TTC8: variants seen among roughly 807,000 people sequenced by gnomAD.
TTC8 encodes the protein tetratricopeptide repeat domain 8, also known as tetratricopeptide repeat protein 8.
In TTC8, 47 loss-of-function variants were observed where a neutral mutation model predicts 72.5. The ratio of observed to expected loss-of-function variants is 0.65; its 90% CI spans 0.51 to 0.83. The LOEUF (loss-of-function observed/expected upper bound fraction) is 0.83, where lower values mean the gene tolerates loss of function less well. Ranked by LOEUF, TTC8 falls within the 40% of genes least tolerant of loss-of-function variation. The pLI, the probability that TTC8 is intolerant of heterozygous loss-of-function variation, is 0.00. For synonymous variants in TTC8, 199 were observed against 221.4 expected (o/e 0.90, Z 0.90); for missense variants, 611 against 623.2 (o/e 0.98, Z 0.21).
At chr14:88,874,576 A>G (rs2094948949) in intron 13 of TTC8, among the ~76,000 whole-genome samples, 1 of 152,168 alleles carries the variant, frequency 6.6e-6, no homozygotes, top group Admixed American at 6.5e-5. Flanking sequence ...GGGCTTTGAA[A>G]TTTACAATGG....
At chr14:88,876,516 A>G (rs749087704) in intron 14 of TTC8, among the ~76,000 whole-genome samples, 3 of 152,186 alleles carry the variant, frequency 2.0e-5, no homozygotes, top group South Asian at 2.1e-4. Flanking sequence ...AATATTCCCA[A>G]CACAAAGAAA....
chr14:88,848,148 AAG>A (rs1566842407), intron 7 of TTC8, among the ~76,000 whole-genome samples: 1 of 147,128 alleles, frequency 6.8e-6, no homozygotes. Context: ...AAAAAAAAAA[AAG>A]CTGATCTTAA....
chr14:88,861,141 T>C, intron 9 of TTC8, 81 bp from the exon 10 acceptor site: 1 of 1,060,900 alleles, frequency 9.4e-7, no homozygotes, highest in Admixed American at 2.0e-5. Context: ...GATAATTTGT[T>C]ACTAATCAAT....
At chr14:88,876,370 C>A (rs888087458) in intron 14 of TTC8, among the ~76,000 whole-genome samples, 1 of 152,190 alleles carries the variant, frequency 6.6e-6, no homozygotes, top group Non-Finnish European at 1.5e-5. Flanking sequence ...TACCAGAAAT[C>A]TACCAGAATT....
At chr14:88,864,642 G>A (rs192823345) in intron 10 of TTC8, among the ~76,000 whole-genome samples, 7 of 152,334 alleles carry the variant, frequency 4.6e-5, no homozygotes, top group African/African-American at 1.7e-4. Flanking sequence ...GAAGAAAGAA[G>A]TGGAGAGGAA....
intron 1 of TTC8, among the ~76,000 whole-genome samples, chr14:88,828,835 T>C (rs1052103205): frequency 3.3e-5 from 5 of 152,200 alleles, no homozygotes; most frequent in Admixed American, 2.6e-4. Flanking sequence ...TATTTCGCCT[T>C]TAAGGGATAC....
At chr14:88,832,996 C>T (rs181552427) in intron 1 of TTC8, among the ~76,000 whole-genome samples, 1 of 152,280 alleles carries the variant, frequency 6.6e-6, no homozygotes, top group East Asian at 1.9e-4. Flanking sequence ...GCATGGTGAC[C>T]ATATGGTTTG....
At chr14:88,825,110 A>C (rs1371168770) in intron 1 of TTC8, among the ~76,000 whole-genome samples, 1 of 152,200 alleles carries the variant, frequency 6.6e-6, no homozygotes, top group Non-Finnish European at 1.5e-5. Context: ...ACTTTACTTG[A>C]CGAGGAACTT....
At chr14:88,840,786 T>C in intron 3 of TTC8, 79 bp from the exon 4 acceptor site, 1 of 1,436,792 alleles carries the variant, frequency 7.0e-7, no homozygotes, top group Admixed American at 1.8e-5. Context: ...GCCAGCGCAA[T>C]TCTGAAAATT....
At chr14:88,875,971 C>G (rs2094955777) in intron 14 of TTC8, among the ~76,000 whole-genome samples, 1 of 152,066 alleles carries the variant, frequency 6.6e-6, no homozygotes, top group South Asian at 2.1e-4. Flanking sequence ...TTGCTATATA[C>G]CAGGCCCTGT....
At chr14:88,867,914 A>C (rs2094918210) in intron 10 of TTC8, among the ~76,000 whole-genome samples, 1 of 152,344 alleles carries the variant, frequency 6.6e-6, no homozygotes, top group East Asian at 1.9e-4. Context: ...TATAAAGCAC[A>C]TGAAGAAATA....
At chr14:88,843,959 A>T in intron 7 of TTC8, 109 bp downstream of exon 7, 1 of 827,754 alleles carries the variant, frequency 1.2e-6, no homozygotes, top group Non-Finnish European at 1.9e-6. Context: ...AAATTATTAA[A>T]GATTGGAGAA....
intron 7 of TTC8, among the ~76,000 whole-genome samples, chr14:88,850,127 T>A (rs959463066): frequency 3.3e-5 from 5 of 152,220 alleles, no homozygotes; most frequent in Non-Finnish European, 4.4e-5. Context: ...TTATTTATTT[T>A]AAAAATTTGG....
At chr14:88,863,354 C>G (rs2094896746) in intron 10 of TTC8, among the ~76,000 whole-genome samples, 2 of 152,122 alleles carry the variant, frequency 1.3e-5, no homozygotes, top group Non-Finnish European at 2.9e-5. Context: ...CAGAGGAAAC[C>G]AGGTACAAGC....
intron 1 of TTC8, among the ~76,000 whole-genome samples, chr14:88,825,574 C>T (rs2094695636): frequency 6.6e-6 from 1 of 152,108 alleles, no homozygotes; most frequent in East Asian, 1.9e-4. Flanking sequence ...GCAGGTGGCT[C>T]CTGGAATAGG....
rs933562785 is a variant in TTC8, at chr14:88,857,181, T to C, written c.711-9T>C. On this transcript the variant is annotated splice_polypyrimidine_tract_variant and intron_variant, in intron 8 of 14. Coordinates refer to ENST00000380656, the MANE Select transcript of TTC8 (RefSeq NM_144596.4). ...TTGAATGTCTAATTCTTAAAATTGC[T>C]ATTTGTAGGTTGGGAATGTATCGTG... 6.2e-7 allele frequency: 1 copy of C among 1,613,296 alleles called. No homozygotes were observed. Among genetic ancestry groups the C allele is most frequent in the Admixed American group, 1.7e-5 (1 of 60,004 alleles).
chr14:88,857,976 T>C (rs989574283), intron 9 of TTC8, among the ~76,000 whole-genome samples: 2 of 151,834 alleles, frequency 1.3e-5, no homozygotes, highest in Non-Finnish European at 2.9e-5. Context: ...TTTTTTTTTT[T>C]TTTGAGATGG....
chr14:88,824,602 C>A, upstream of TTC8: 3 of 881,526 alleles, frequency 3.4e-6, no homozygotes, highest in Admixed American at 2.1e-5. Context: ...TCGGACAAGG[C>A]CCCAGCCGTC....
chr14:88,861,216 T>A lies in TTC8; in HGVS notation c.799-6T>A, dbSNP rs2141016023. 6.3e-7 allele frequency: 1 copy of A among 1,594,106 alleles called. No individual in the cohort carries two copies. The highest frequency in any genetic ancestry group is 1.1e-5 in the South Asian group (1 of 90,136). On this transcript the variant is annotated splice_polypyrimidine_tract_variant and splice_region_variant and intron_variant, in intron 9 of 14. Transcript: ENST00000380656. ...ATACTTTTATTGAAATGTATCTTGT[T>A]TTTAGGTTTATGTCTCATTGGATCA... is the stretch of plus-strand genomic sequence containing the variant.
Sources: allele counts gnomAD v4.1 joint callset (sites outside exome capture counted in the v4.1 genomes callset), GRCh38; gene constraint gnomAD v4.1.1; transcripts MANE v1.5; gene names NCBI Gene and HGNC (gene_info 2026-07-23, HGNC 2026-07-21).